TRPM4: variants seen among roughly 807,000 people sequenced by gnomAD.
The protein encoded by TRPM4 is transient receptor potential cation channel subfamily M member 4.
In TRPM4, 124 loss-of-function variants were observed where a neutral mutation model predicts 135.6. The ratio of observed to expected loss-of-function variants is 0.91; its 90% CI spans 0.79 to 1.06. The LOEUF is 1.06. Among genes scored for constraint, TRPM4 ranks in the 50% least tolerant of loss-of-function variants. The probability of loss-of-function intolerance (pLI) is 0.00; values close to 1 mark genes in which losing one functional copy is unlikely to be tolerated. For synonymous variants in TRPM4, 745 were observed against 705.6 expected, an observed-to-expected ratio of 1.06 and a Z score of -0.88; for missense variants, 1,658 against 1,671.4, an observed-to-expected ratio of 0.99 and a Z score of 0.14.
chr19:49,203,865 T>C (rs1168068903), intron 20 of TRPM4, among the ~76,000 whole-genome samples: 2 of 152,178 alleles, frequency 1.3e-5, no homozygotes, highest in East Asian at 3.9e-4. Flanking sequence ...TGGTGGCTCA[T>C]GCCTGTAATC....
intron 20 of TRPM4, among the ~76,000 whole-genome samples, chr19:49,207,011 A>T (rs1969177770): frequency 6.6e-6 from 1 of 152,132 alleles, no homozygotes; most frequent in Admixed American, 6.6e-5. Context: ...GTACCCTGCA[A>T]CTTTGCTGAA....
intron 20 of TRPM4, among the ~76,000 whole-genome samples, chr19:49,209,992 G>C: frequency 6.6e-6 from 1 of 151,948 alleles, no homozygotes; most frequent in African/African-American, 2.4e-5. Context: ...GAGGTGATCC[G>C]CCCACTCCGG....
chr19:49,175,654 C>A (rs565935831), intron 9 of TRPM4, among the ~76,000 whole-genome samples: 1 of 147,874 alleles, frequency 6.8e-6, no homozygotes, highest in Non-Finnish European at 1.5e-5. Flanking sequence ...TTAATTATTT[C>A]TTTCTTTTTC....
In TRPM4 at chr19:49,189,019, G is replaced by A; in HGVS notation, c.1947G>A (p.Trp649Ter). Residue 649 changes from tryptophan (W) to a stop codon, truncating the protein, a stop_gained, in exon 14 of 25, where the codon TGG (tryptophan) becomes TGA (stop). Coordinates refer to ENST00000252826, the MANE Select transcript of TRPM4 (RefSeq NM_017636.4). LOFTEE classifies it high-confidence loss of function. ...ARLLLRRCPL[W>*]GDATCLQLAM... ...TCCTCCTCCGTCGCTGCCCGCTCTG[G>A]GGGGATGCCACTTGCCTCCAGCTGG... The A allele has an allele frequency of 6.2e-7, 1 of 1,614,146 alleles. No homozygotes were observed. The highest frequency in any genetic ancestry group is 8.5e-7 in the Non-Finnish European group (1 of 1,180,028).
intron 9 of TRPM4, among the ~76,000 whole-genome samples, chr19:49,174,828 C>T (rs73574404): frequency 0.029 from 4,341 of 150,526 alleles, 103 homozygotes; most frequent in African/African-American, 0.052. Context: ...AGTAAGCTAA[C>T]GAGTGGGACA....
At position 49,172,174 on chromosome 19, in the gene TRPM4, G is replaced by A. The variant is rs2122840426; in HGVS notation, c.1150+66G>A. The A allele has an allele frequency of 3.2e-6, 4 of 1,249,500 alleles. No homozygotes were observed. The South Asian group carries it at 3.6e-5, about 11-fold the overall frequency. 77.4% of individuals were successfully genotyped at this position (1,249,500 alleles called of 1,614,324 possible). A position where few individuals can be genotyped will look rare whatever the true frequency, so the allele number is the denominator to read the frequency against. ...AACCTTAGACACCTTTCCTGGCCTG[G>A]GCACTTCATCCACCCTCTCTAATCC... On this transcript the variant is annotated intron_variant, in intron 9 of 24. Coordinates refer to ENST00000252826, the MANE Select transcript of TRPM4 (RefSeq NM_017636.4).
chr19:49,158,980 C>T (rs1265926165), intron 2 of TRPM4: 1 of 150,820 alleles, frequency 6.6e-6, no homozygotes, highest in Non-Finnish European at 1.5e-5. Context: ...GCGAGGAGCT[C>T]CCGCCCTTCA....
chr19:49,161,323 C>CTTTTTT (rs67808134), intron 2 of TRPM4, among the ~76,000 whole-genome samples: 4 of 101,212 alleles, frequency 4.0e-5, no homozygotes, highest in South Asian at 3.4e-4. Flanking sequence ...GTCTCTCTCT[C>CTTTTTT]TTTTTTTTTT....
Position 49,211,631 on chromosome 19 carries a change from T to C in TRPM4, c.*133T>C. The C allele has an allele frequency of 1.7e-6, 2 of 1,152,736 alleles. No individual in the cohort carries two copies. Among genetic ancestry groups the C allele is most frequent in the Non-Finnish European group, 2.6e-6 (2 of 769,494 alleles). The allele number at this position is 1,152,736 out of a possible 1,614,324, so 71.4% of individuals were successfully genotyped here. A position where few individuals can be genotyped will look rare whatever the true frequency, so the allele number is the denominator to read the frequency against. On this transcript the variant is annotated 3_prime_UTR_variant, in exon 25 of 25. Transcript: ENST00000252826. The surrounding 1 kb of genome is among the most constrained non-coding windows in gnomAD (Gnocchi z 4.8). Reference sequence around the variant, plus strand: ...AGCCCCATGTCCATCTGGGCCACTGTCAGGACCACCTTTGGGAGTGTCATC... The same window carrying C: ...AGCCCCATGTCCATCTGGGCCACTGCCAGGACCACCTTTGGGAGTGTCATC...
chr19:49,200,130 A>G, intron 17 of TRPM4, among the ~76,000 whole-genome samples, 170 bp from the exon 18 acceptor site: 1 of 152,152 alleles, frequency 6.6e-6, no homozygotes. Flanking sequence ...AGGGCCCTGC[A>G]TGGACCAGCT....
At chr19:49,205,681 G>A (rs1169435797) in intron 20 of TRPM4, among the ~76,000 whole-genome samples, 1 of 150,712 alleles carries the variant, frequency 6.6e-6, no homozygotes, top group African/African-American at 2.4e-5. Flanking sequence ...GATTACAGGT[G>A]CCTGCCACTA....
At chr19:49,200,158 G>C (rs549789856) in intron 17 of TRPM4, 142 bp from the exon 18 acceptor site, 1 of 1,286,356 alleles carries the variant, frequency 7.8e-7, no homozygotes, top group African/African-American at 1.5e-5. Context: ...GAATAAATTT[G>C]AGTAAACCCC....
At chr19:49,161,328 T>TC (rs1309392849) in intron 2 of TRPM4, among the ~76,000 whole-genome samples, 1 of 85,878 alleles carries the variant, frequency 1.2e-5, no homozygotes, top group Non-Finnish European at 2.8e-5. Flanking sequence ...TCTCTCTTTT[T>TC]TTTTTTTTTT....
At chr19:49,184,531 G>A (rs577635742) in intron 12 of TRPM4, among the ~76,000 whole-genome samples, 19 of 122,830 alleles carry the variant, frequency 1.5e-4, no homozygotes, top group Non-Finnish European at 7.9e-5. Flanking sequence ...CTCAATCTCC[G>A]CTCACTGCAA....
chr19:49,196,498 G>C lies in TRPM4; in HGVS notation c.2269G>C (p.Gly757Arg), dbSNP rs755674298. 5.1e-6 allele frequency: 8 copies of C among 1,555,700 alleles called. No homozygotes were observed. The highest frequency in any genetic ancestry group is 6.9e-6 in the Non-Finnish European group (8 of 1,154,310). ...GGTCCCGCGCCAGTCGGGCCGTCCG[G>C]GTTGCTGCGGGGGCCGCTGCGGGGG... ...LGVPRQSGRP[G>R]CCGGRCGGRR... Residue 757 changes from glycine (G) to arginine (R), a missense_variant, in exon 17 of 25, where the codon GGT (glycine) becomes CGT (arginine). Transcript: ENST00000252826.
intron 15 of TRPM4, 103 bp from the exon 16 acceptor site, chr19:49,190,593 C>A: frequency 8.2e-7 from 1 of 1,221,404 alleles, no homozygotes; most frequent in Non-Finnish European, 1.2e-6. Context: ...ACCTCTCTGT[C>A]CCTCTGCCAT....
At chr19:49,178,348 G>A (rs1419279107) in intron 9 of TRPM4, among the ~76,000 whole-genome samples, 2 of 152,054 alleles carry the variant, frequency 1.3e-5, no homozygotes, top group Admixed American at 1.3e-4. Flanking sequence ...AGACTCTCTG[G>A]GAGTGGGTGG....
Position 49,210,697 on chromosome 19 carries a change from C to T in TRPM4, c.3329-13C>T, listed in dbSNP as rs375436708. ...GCGTGGCCTGAGCCCTTTGACTCCG[C>T]CCGCCCCTGCAGGGGTTTACCTTTC... On this transcript the variant is annotated splice_polypyrimidine_tract_variant and intron_variant, in intron 21 of 24. Coordinates refer to ENST00000252826, the MANE Select transcript of TRPM4 (RefSeq NM_017636.4). This position sits in a 1 kb window ranked among gnomAD's most constrained non-coding sequence, Gnocchi z 4.1. The T allele has an allele frequency of 1.2e-5, 20 of 1,613,846 alleles. No homozygotes were observed. Among genetic ancestry groups the T allele is most frequent in the Non-Finnish European group, 1.6e-5 (19 of 1,180,024 alleles).
At chr19:49,182,401 CAT>C in intron 10 of TRPM4, 175 bp from the exon 11 acceptor site, 1 of 659,758 alleles carries the variant, frequency 1.5e-6, no homozygotes, top group East Asian at 2.8e-5. Flanking sequence ...TCTGCCCATC[CAT>C]CCATCTGTCC....
Sources: gnomAD v4.1 joint callset for allele counts (sites outside exome capture counted in the v4.1 genomes callset) on GRCh38, gnomAD v4.1.1 for gene constraint, Gnocchi (gnomAD v3.1) non-coding constraint, MANE v1.5 for transcripts, NCBI Gene and HGNC (gene_info 2026-07-23, HGNC 2026-07-21) for gene names.